SOX5: variants seen among roughly 807,000 people sequenced by gnomAD.
The protein encoded by SOX5 is SRY-box transcription factor 5.
In SOX5, 9 loss-of-function variants were observed where a neutral mutation model predicts 92.0. That is an observed-to-expected ratio of 0.10 (90% CI 0.06 to 0.17). The LOEUF (loss-of-function observed/expected upper bound fraction) is 0.17. SOX5 is among the 10% of genes least tolerant of loss of function. The probability of loss-of-function intolerance (pLI) is 1.00; values close to 1 mark genes in which losing one functional copy is unlikely to be tolerated. For missense variants in SOX5, 642 were observed against 944.5 expected (o/e 0.68, Z 4.20); for synonymous variants, 344 against 336.3 (o/e 1.02, Z -0.25).
chr12:23,955,186 G>A (rs920723636), upstream of SOX5, among the ~76,000 whole-genome samples: 3 of 152,084 alleles, frequency 2.0e-5, no homozygotes, highest in African/African-American at 7.2e-5. Flanking sequence ...TGGCAATTAA[G>A]TATAGAGTAT....
chr12:23,642,225 T>G (rs1360691782), intron 7 of SOX5, among the ~76,000 whole-genome samples: 1 of 152,146 alleles, frequency 6.6e-6, no homozygotes, highest in Non-Finnish European at 1.5e-5. Context: ...CTAAAGAGAG[T>G]CTCCCAGGTT....
At chr12:23,865,955 T>C (rs2096807688) in intron 2 of SOX5, among the ~76,000 whole-genome samples, 1 of 152,144 alleles carries the variant, frequency 6.6e-6, no homozygotes, top group Admixed American at 6.6e-5. Context: ...AAAACTGGAA[T>C]CAGAAGCAGA....
intron 1 of SOX5, among the ~76,000 whole-genome samples, chr12:23,905,867 C>A (rs1358068481): frequency 6.6e-6 from 1 of 152,148 alleles, no homozygotes; most frequent in Non-Finnish European, 1.5e-5. Context: ...TTCTGCCTAA[C>A]TTTACCTTCG....
chr12:23,794,197 T>C (rs2095524460), intron 3 of SOX5, among the ~76,000 whole-genome samples: 1 of 152,176 alleles, frequency 6.6e-6, no homozygotes, highest in Non-Finnish European at 1.5e-5. Context: ...ATTGGTGTGC[T>C]GTTTACTGGT....
At chr12:23,856,104 A>G (rs986261853) in intron 2 of SOX5, among the ~76,000 whole-genome samples, 3 of 152,134 alleles carry the variant, frequency 2.0e-5, no homozygotes, top group African/African-American at 4.8e-5. Context: ...AAAATTTCCC[A>G]ACTAGCCAAA....
intron 2 of SOX5, among the ~76,000 whole-genome samples, chr12:24,284,090 T>C (rs140245130): frequency 0.011 from 1,672 of 152,334 alleles, 20 homozygotes; most frequent in Middle Eastern, 0.027. Flanking sequence ...GATAGTCGCA[T>C]TGTCTGTCCC....
intron 4 of SOX5, among the ~76,000 whole-genome samples, chr12:23,959,686 T>G (rs907101008): frequency 5.3e-5 from 8 of 152,006 alleles, no homozygotes; most frequent in Admixed American, 2.6e-4. Flanking sequence ...TTGAAATCAA[T>G]GAGAAAAAGA....
chr12:24,169,963 A>G (rs768813102), intron 4 of SOX5, among the ~76,000 whole-genome samples: 1 of 152,208 alleles, frequency 6.6e-6, no homozygotes, highest in Non-Finnish European at 1.5e-5. Flanking sequence ...TGCCTGAACC[A>G]CAAAGGGCGT....
At chr12:24,513,383 C>T (rs986686697) in intron 1 of SOX5, among the ~76,000 whole-genome samples, 1 of 152,184 alleles carries the variant, frequency 6.6e-6, no homozygotes, top group Non-Finnish European at 1.5e-5. Context: ...ACAAATGAAA[C>T]CTTCATATTT....
At chr12:24,041,058 C>T (rs1022924139) in intron 4 of SOX5, among the ~76,000 whole-genome samples, 3 of 151,966 alleles carry the variant, frequency 2.0e-5, no homozygotes, top group African/African-American at 7.3e-5. Flanking sequence ...TTCTCTTTAC[C>T]AATAATCAAA....
At chr12:24,474,416 C>T (rs553261603) in intron 1 of SOX5, among the ~76,000 whole-genome samples, 11 of 152,240 alleles carry the variant, frequency 7.2e-5, no homozygotes, top group South Asian at 6.2e-4. Flanking sequence ...ACCCCCCCAC[C>T]GGTGTGATAT....
intron 8 of SOX5, among the ~76,000 whole-genome samples, chr12:23,616,086 A>C (rs962214335): frequency 2.0e-5 from 3 of 152,204 alleles, no homozygotes; most frequent in African/African-American, 7.2e-5. Flanking sequence ...GAGGGTTCTA[A>C]AGGGATATGT....
chr12:23,642,192 T>A (rs1367540342), intron 7 of SOX5, among the ~76,000 whole-genome samples: 3 of 152,226 alleles, frequency 2.0e-5, no homozygotes, highest in Non-Finnish European at 4.4e-5. Context: ...TGTCTGAGCA[T>A]ATAAAATTTT....
intron 1 of SOX5, among the ~76,000 whole-genome samples, chr12:24,369,765 A>T (rs1319415824): frequency 6.6e-6 from 1 of 152,244 alleles, no homozygotes; most frequent in Admixed American, 6.5e-5. Context: ...AGTGTGGATT[A>T]TATTGTGCAG....
At chr12:24,005,036 C>T (rs966725844) in intron 4 of SOX5, among the ~76,000 whole-genome samples, 2 of 151,816 alleles carry the variant, frequency 1.3e-5, no homozygotes, top group African/African-American at 4.8e-5. Flanking sequence ...TGTATGATTC[C>T]AATTATATTA....
intron 4 of SOX5, among the ~76,000 whole-genome samples, chr12:23,981,985 G>A (rs1949614440): frequency 6.6e-6 from 1 of 152,032 alleles, no homozygotes; most frequent in Admixed American, 6.6e-5. Context: ...GCTTCTAGTG[G>A]GTAACCTAGA....
At chr12:24,228,664 G>A (rs1962643045) in intron 3 of SOX5, among the ~76,000 whole-genome samples, 1 of 152,084 alleles carries the variant, frequency 6.6e-6, no homozygotes, top group Non-Finnish European at 1.5e-5. Flanking sequence ...GTGTGTGCGT[G>A]TGTGTGCGTG....
At chr12:24,535,471 C>T (rs763512698) in intron 1 of SOX5, among the ~76,000 whole-genome samples, 2 of 152,054 alleles carry the variant, frequency 1.3e-5, no homozygotes, top group Non-Finnish European at 2.9e-5. Flanking sequence ...AGTTACCAAG[C>T]GATCTGAAAA....
At chr12:24,480,038 G>C (rs1945815991) in intron 1 of SOX5, among the ~76,000 whole-genome samples, 1 of 152,106 alleles carries the variant, frequency 6.6e-6, no homozygotes, top group Non-Finnish European at 1.5e-5. Flanking sequence ...AAATTTCTAA[G>C]AACCTGATTA....
Sources: allele counts gnomAD v4.1 joint callset (sites outside exome capture counted in the v4.1 genomes callset), GRCh38; gene constraint gnomAD v4.1.1; transcripts MANE v1.5; gene names NCBI Gene and HGNC (gene_info 2026-07-23, HGNC 2026-07-21).